Variants in SLC25A21 observed in about 807,000 individuals in gnomAD.
SLC25A21 encodes mitochondrial 2-oxodicarboxylate carrier.
SLC25A21 carries 47 observed loss-of-function variants against 43.8 expected under a neutral mutation model. The ratio of observed to expected loss-of-function variants is 1.07; its 90% confidence interval spans 0.85 to 1.37. The LOEUF is 1.37. Ranked by LOEUF, SLC25A21 falls within the 40% of genes most tolerant of loss-of-function variation. The pLI, the probability that SLC25A21 is intolerant of heterozygous loss-of-function variation, is 0.00. For synonymous variants in SLC25A21, 131 were observed against 121.3 expected (o/e 1.08, Z -0.52); for missense variants, 352 against 350.2 (o/e 1.00, Z -0.04).
At chr14:37,114,307 G>T (rs1408547092) in intron 1 of SLC25A21, among the ~76,000 whole-genome samples, 1 of 152,162 alleles carries the variant, frequency 6.6e-6, no homozygotes, top group Non-Finnish European at 1.5e-5. Context: ...GCCCTAATTT[G>T]AAATGATGTT....
chr14:37,044,281 T>C (rs1029065026), intron 1 of SLC25A21, among the ~76,000 whole-genome samples: 20 of 152,178 alleles, frequency 1.3e-4, no homozygotes, highest in African/African-American at 4.3e-4. Context: ...TTGGCTTTCC[T>C]TTTTTAATAG....
rs565970922 is a variant in SLC25A21 at position 36,932,284 on chromosome 14, A to T, written c.71-57280T>A. Among the ~76,000 whole-genome samples, 4 of 152,216 alleles carry T rather than the reference A, an allele frequency of 2.6e-5. No homozygotes were observed. In the South Asian group the frequency reaches 8.3e-4, roughly 32 times the overall value. On this transcript the variant is annotated intron_variant, in intron 1 of 9. Coordinates refer to ENST00000331299, the MANE Select transcript of SLC25A21 (RefSeq NM_030631.4). ...TTCAAATGGCCCCTTCAGCTCCAAAAATCAATGGCTCCATAAGTCAGAGCA... is the reference window on the plus strand; with the variant it reads ...TTCAAATGGCCCCTTCAGCTCCAAATATCAATGGCTCCATAAGTCAGAGCA...
At chr14:36,744,752 C>A (rs754717701) in intron 3 of SLC25A21, among the ~76,000 whole-genome samples, 3 of 151,948 alleles carry the variant, frequency 2.0e-5, no homozygotes, top group Non-Finnish European at 4.4e-5. Context: ...GCAAACAATG[C>A]ATATGATAAA....
chr14:37,104,771 A>G (rs982569916), intron 1 of SLC25A21, among the ~76,000 whole-genome samples: 1 of 152,188 alleles, frequency 6.6e-6, no homozygotes. Flanking sequence ...GCCCAGCCCA[A>G]GGTTTATCCT....
chr14:36,849,612 A>G (rs1889659706), intron 2 of SLC25A21, among the ~76,000 whole-genome samples: 1 of 152,230 alleles, frequency 6.6e-6, no homozygotes, highest in African/African-American at 2.4e-5. Flanking sequence ...ATCAGACACA[A>G]AATGCTTAGC....
At chr14:36,960,943 C>T (rs1329877650) in intron 1 of SLC25A21, among the ~76,000 whole-genome samples, 1 of 152,162 alleles carries the variant, frequency 6.6e-6, no homozygotes, top group Non-Finnish European at 1.5e-5. Flanking sequence ...GACCTAATTG[C>T]TCATATGGAA....
chr14:36,710,420 A>G (rs943924875), intron 7 of SLC25A21, among the ~76,000 whole-genome samples: 2 of 151,764 alleles, frequency 1.3e-5, no homozygotes, highest in African/African-American at 4.8e-5. Flanking sequence ...ACGGGGAAAA[A>G]AAAGAAAGAA....
At chr14:36,994,467 C>T (rs991565567) in intron 1 of SLC25A21, among the ~76,000 whole-genome samples, 1 of 152,136 alleles carries the variant, frequency 6.6e-6, no homozygotes, top group Non-Finnish European at 1.5e-5. Context: ...TTTGTTTCCA[C>T]ATGTTTACTT....
intron 1 of SLC25A21, among the ~76,000 whole-genome samples, chr14:37,098,762 C>T (rs61989529): frequency 0.016 from 980 of 59,980 alleles, 9 homozygotes; most frequent in East Asian, 0.1. Flanking sequence ...GACAGACAGA[C>T]AGACAGACAG....
At chr14:37,003,109 T>C (rs1366178787) in intron 1 of SLC25A21, among the ~76,000 whole-genome samples, 2 of 152,212 alleles carry the variant, frequency 1.3e-5, no homozygotes, top group Non-Finnish European at 2.9e-5. Flanking sequence ...CTATACACAC[T>C]ACATCTTTTT....
intron 3 of SLC25A21, among the ~76,000 whole-genome samples, chr14:36,757,344 G>A (rs1885974425): frequency 6.6e-6 from 1 of 151,954 alleles, no homozygotes. Flanking sequence ...ACAATACAAA[G>A]TTCAACAGCT....
intron 2 of SLC25A21, among the ~76,000 whole-genome samples, chr14:36,843,786 A>T (rs1242684187): frequency 6.6e-6 from 1 of 152,228 alleles, no homozygotes; most frequent in Non-Finnish European, 1.5e-5. Context: ...CCTAATGTTC[A>T]GTACACATCC....
intron 3 of SLC25A21, among the ~76,000 whole-genome samples, chr14:36,755,276 A>G (rs924661420): frequency 2.0e-5 from 3 of 152,204 alleles, no homozygotes; most frequent in African/African-American, 7.2e-5. Flanking sequence ...CAACAGTGTG[A>G]TATCAGGGAA....
At chr14:36,680,780 C>A in intron 9 of SLC25A21, 61 bp from the exon 10 acceptor site, 1 of 1,501,016 alleles carries the variant, frequency 6.7e-7, no homozygotes, top group Admixed American at 1.8e-5. Flanking sequence ...GGCTTTCCCA[C>A]TGGGTTTCTG....
chr14:36,926,752 T>TA (rs1353064757), intron 1 of SLC25A21, among the ~76,000 whole-genome samples: 1 of 152,202 alleles, frequency 6.6e-6, no homozygotes, highest in African/African-American at 2.4e-5. Flanking sequence ...AACACATTCT[T>TA]AAACTTCGTA....
chr14:37,053,139 T>C (rs1039437847), intron 1 of SLC25A21, among the ~76,000 whole-genome samples: 1 of 152,208 alleles, frequency 6.6e-6, no homozygotes, highest in African/African-American at 2.4e-5. Flanking sequence ...TAAAATTGAA[T>C]TGTTGTTAGG....
intron 3 of SLC25A21, among the ~76,000 whole-genome samples, chr14:36,811,613 T>C (rs770994891): frequency 1.3e-4 from 20 of 152,028 alleles, no homozygotes; most frequent in Non-Finnish European, 2.5e-4. Flanking sequence ...GATTGTGCCA[T>C]TGCACTCCAG....
intron 3 of SLC25A21, among the ~76,000 whole-genome samples, chr14:36,786,848 C>A (rs78951550): frequency 6.6e-6 from 1 of 152,126 alleles, no homozygotes; most frequent in African/African-American, 2.4e-5. Context: ...AGCCTCTGTA[C>A]AGGAAATGTT....
At chr14:36,800,930 G>A (rs1257682220) in intron 3 of SLC25A21, among the ~76,000 whole-genome samples, 3 of 152,096 alleles carry the variant, frequency 2.0e-5, no homozygotes, top group Non-Finnish European at 4.4e-5. Context: ...CTGGATGATG[G>A]TGTTTTCCTC....
Sources: gnomAD v4.1 joint callset for allele counts (sites outside exome capture counted in the v4.1 genomes callset) on GRCh38, gnomAD v4.1.1 for gene constraint, MANE v1.5 for transcripts, NCBI Gene and HGNC (gene_info 2026-07-23, HGNC 2026-07-21) for gene names.